Variants in CTNND2 observed in about 807,000 individuals in gnomAD.
CTNND2 encodes the protein catenin delta-2.
CTNND2 carries 22 observed loss-of-function variants against 144.4 expected under a neutral mutation model. That is an observed-to-expected ratio of 0.15 (90% confidence interval 0.11 to 0.22). CTNND2 has a LOEUF of 0.22. Ranked by LOEUF, CTNND2 falls within the 10% of genes least tolerant of loss-of-function variation. The pLI, the probability that CTNND2 is intolerant of heterozygous loss-of-function variation, is 1.00. For missense variants in CTNND2, 1,353 were observed against 1,618.8 expected (o/e 0.84, Z 2.82); for synonymous variants, 751 against 695.6 (o/e 1.08, Z -1.25).
At chr5:11,594,340 C>G (rs191681101) in intron 2 of CTNND2, among the ~76,000 whole-genome samples, 263 of 152,220 alleles carry the variant, frequency 1.7e-3, no homozygotes, top group Non-Finnish European at 3.0e-3. Flanking sequence ...GCCATTATAG[C>G]AAAAACCAAA....
At position 11,636,157 on chromosome 5, in the gene CTNND2, T is replaced by C. The variant is rs1029990816; in HGVS notation, c.175-71101A>G. ...AAACAATCCTAGGAGACATGAGCTG[T>C]TTATTTTGTATATTGTACTTCTAAT... On this transcript the variant is annotated intron_variant, in intron 2 of 21. Transcript: ENST00000304623. Among the ~76,000 whole-genome samples the C allele has an allele frequency of 2.0e-5, 3 of 151,882 alleles. No individual in the cohort carries two copies. In the South Asian group the frequency reaches 6.3e-4, roughly 32 times the overall value.
At chr5:11,743,089 A>C (rs1273952170) in intron 1 of CTNND2, among the ~76,000 whole-genome samples, 1 of 152,244 alleles carries the variant, frequency 6.6e-6, no homozygotes, top group Non-Finnish European at 1.5e-5. Flanking sequence ...ATATAGTAAT[A>C]GTTGTCAAAA....
chr5:11,447,000 T>TACAC (rs66818629), intron 3 of CTNND2, among the ~76,000 whole-genome samples: 2,733 of 151,258 alleles, frequency 0.018, 87 homozygotes, highest in African/African-American at 0.062. Flanking sequence ...GGCTCTAACA[T>TACAC]ACACACACAC....
chr5:11,672,473 G>A (rs1293735160), intron 2 of CTNND2, among the ~76,000 whole-genome samples: 3 of 152,142 alleles, frequency 2.0e-5, no homozygotes, highest in Non-Finnish European at 2.9e-5. Flanking sequence ...TTTCAGAGAT[G>A]CCTTGCCCAG....
intron 5 of CTNND2, among the ~76,000 whole-genome samples, chr5:11,409,885 T>C (rs1264111511): frequency 1.3e-5 from 2 of 152,132 alleles, no homozygotes; most frequent in Non-Finnish European, 2.9e-5. Context: ...CAGCATTAGA[T>C]TGATATACCT....
intron 8 of CTNND2, among the ~76,000 whole-genome samples, chr5:11,352,089 G>A (rs1361359976): frequency 6.6e-6 from 1 of 152,152 alleles, no homozygotes; most frequent in Non-Finnish European, 1.5e-5. Flanking sequence ...ATACTCAAGG[G>A]TAAATTTGAA....
chr5:11,430,920 C>T (rs898440534), intron 3 of CTNND2, among the ~76,000 whole-genome samples: 18 of 152,086 alleles, frequency 1.2e-4, no homozygotes, highest in Non-Finnish European at 2.2e-4. Flanking sequence ...CAATCGAGAA[C>T]CCATCAGGCT....
At chr5:11,084,904 A>G (rs539749031) in intron 15 of CTNND2, among the ~76,000 whole-genome samples, 1 of 152,238 alleles carries the variant, frequency 6.6e-6, no homozygotes, top group South Asian at 2.1e-4. Flanking sequence ...TGCTGCTGAC[A>G]TTATACCCCC....
chr5:11,106,988 G>A lies in CTNND2; in HGVS notation c.2463+3870C>T, dbSNP rs182765719. Among the ~76,000 whole-genome samples the A allele has an allele frequency of 2.5e-4, 38 of 152,252 alleles. No homozygotes were observed. In the East Asian group the frequency reaches 6.4e-3, roughly 26 times the overall value. ...GGAAGGCAGCACCCTGAAGATGAGA[G>A]CCCCATAAAATACAAGGAGCCCACC... On this transcript the variant is annotated intron_variant, in intron 14 of 21. Transcript: ENST00000304623.
intron 6 of CTNND2, among the ~76,000 whole-genome samples, chr5:11,391,561 T>C (rs572850669): frequency 6.6e-6 from 1 of 152,300 alleles, no homozygotes; most frequent in East Asian, 1.9e-4. Context: ...GCTCAAAAAA[T>C]TTGGAAAGTT....
At chr5:11,260,699 C>A (rs1428002038) in intron 9 of CTNND2, among the ~76,000 whole-genome samples, 3 of 152,126 alleles carry the variant, frequency 2.0e-5, no homozygotes, top group Non-Finnish European at 4.4e-5. Context: ...ACTCAAAGGT[C>A]CCACCTCTCA....
At chr5:11,449,999 C>T (rs1373998150) in intron 3 of CTNND2, among the ~76,000 whole-genome samples, 1 of 152,190 alleles carries the variant, frequency 6.6e-6, no homozygotes, top group Non-Finnish European at 1.5e-5. Context: ...TCTGAAAAAG[C>T]CCCACTATTT....
intron 2 of CTNND2, among the ~76,000 whole-genome samples, chr5:11,604,261 C>T (rs1779943065): frequency 6.6e-6 from 1 of 152,156 alleles, no homozygotes; most frequent in African/African-American, 2.4e-5. Context: ...AACCTGTGAC[C>T]CATGTCTTCA....
chr5:11,318,676 T>G (rs114781644), intron 9 of CTNND2, among the ~76,000 whole-genome samples: 189 of 152,298 alleles, frequency 1.2e-3, no homozygotes, highest in African/African-American at 4.4e-3. Context: ...CCTTTCCCTT[T>G]GACACCACTA....
intron 12 of CTNND2, among the ~76,000 whole-genome samples, chr5:11,125,953 T>C (rs1166687970): frequency 6.6e-6 from 1 of 152,226 alleles, no homozygotes; most frequent in African/African-American, 2.4e-5. Flanking sequence ...AGTTTATCTC[T>C]GTCTCTGTTC....
chr5:11,885,956 T>A (rs1736495386), intron 1 of CTNND2, among the ~76,000 whole-genome samples: 2 of 151,976 alleles, frequency 1.3e-5, no homozygotes, highest in Admixed American at 6.6e-5. Context: ...AAGAAGAAAA[T>A]TTTAAAATTT....
intron 1 of CTNND2, among the ~76,000 whole-genome samples, chr5:11,813,270 C>T (rs529259835): frequency 1.3e-5 from 2 of 152,236 alleles, no homozygotes; most frequent in African/African-American, 2.4e-5. Context: ...AAGTACACTC[C>T]GCAATATTCG....
intron 3 of CTNND2, among the ~76,000 whole-genome samples, chr5:11,551,209 C>T (rs1393807179): frequency 6.6e-6 from 1 of 152,092 alleles, no homozygotes. Flanking sequence ...TGTACCCCAT[C>T]GGCTCCATTT....
intron 7 of CTNND2, among the ~76,000 whole-genome samples, chr5:11,379,281 G>A (rs1352982064): frequency 6.6e-6 from 1 of 151,996 alleles, no homozygotes; most frequent in Non-Finnish European, 1.5e-5. Flanking sequence ...AATTTATATT[G>A]CATTTCTACA....
Sources: gnomAD v4.1 joint callset for allele counts (sites outside exome capture counted in the v4.1 genomes callset) on GRCh38, gnomAD v4.1.1 for gene constraint, MANE v1.5 for transcripts, NCBI Gene and HGNC (gene_info 2026-07-23, HGNC 2026-07-21) for gene names.